ARK2C: variants seen among roughly 807,000 people sequenced by gnomAD.
The protein encoded by ARK2C is arkadia (RNF111) C-terminal like ring finger ubiquitin ligase 2C, also known as E3 ubiquitin-protein ligase ARK2C.
the ARK2C span, among the ~76,000 whole-genome samples, chr18:46,364,382 GT>G: frequency 1.4e-5 from 2 of 145,680 alleles, no homozygotes; most frequent in African/African-American, 5.2e-5. Context: ...AACAAAACAT[GT>G]TTTGGTGTGG....
chr18:46,400,186 C>A, the ARK2C span, among the ~76,000 whole-genome samples: 1 of 152,212 alleles, frequency 6.6e-6, no homozygotes, highest in Non-Finnish European at 1.5e-5. Flanking sequence ...ATTCCCGACC[C>A]TCATGCTGGT....
At chr18:46,351,171 A>G in the ARK2C span, among the ~76,000 whole-genome samples, 2 of 152,200 alleles carry the variant, frequency 1.3e-5, no homozygotes, top group African/African-American at 2.4e-5. Flanking sequence ...TCACCCTGCC[A>G]AGGAGCTTCC....
At chr18:46,370,471 C>T in the ARK2C span, among the ~76,000 whole-genome samples, 1 of 152,178 alleles carries the variant, frequency 6.6e-6, no homozygotes, top group African/African-American at 2.4e-5. Flanking sequence ...GGGGACCCTG[C>T]TCCCCAGTCA....
chr18:46,364,061 C>T, the ARK2C span, among the ~76,000 whole-genome samples: 9 of 150,004 alleles, frequency 6.0e-5, no homozygotes, highest in African/African-American at 1.7e-4. Context: ...AGTTCTCATG[C>T]GTCAGCCTCC....
chr18:46,380,543 C>T, the ARK2C span, among the ~76,000 whole-genome samples: 6 of 152,192 alleles, frequency 3.9e-5, no homozygotes, highest in Admixed American at 1.3e-4. Flanking sequence ...CTGACCCAGG[C>T]GCTTGCGTTT....
chr18:46,420,430 G>A, the ARK2C span, among the ~76,000 whole-genome samples: 2 of 152,162 alleles, frequency 1.3e-5, no homozygotes, highest in Non-Finnish European at 2.9e-5. Flanking sequence ...CATACTGTGT[G>A]TTCTGCACAC....
At chr18:46,334,381 G>A in the ARK2C span, 2 of 1,541,572 alleles carry the variant, frequency 1.3e-6, no homozygotes, top group Non-Finnish European at 1.8e-6. The surrounding 1 kb of genome is among the most constrained non-coding windows in gnomAD (Gnocchi z 4.4). Flanking sequence ...GTGGATCGCC[G>A]CAGGCACCGG....
the ARK2C span, among the ~76,000 whole-genome samples, chr18:46,425,990 G>C: frequency 8.3e-4 from 126 of 152,202 alleles, no homozygotes; most frequent in African/African-American, 3.0e-3. Context: ...CAGCAAGCCG[G>C]CTCTTTGGGG....
the ARK2C span, among the ~76,000 whole-genome samples, chr18:46,354,879 A>T: frequency 6.6e-6 from 1 of 152,188 alleles, no homozygotes; most frequent in Non-Finnish European, 1.5e-5. Context: ...GACAAACATC[A>T]GTGCCAAGTT....
chr18:46,438,200 T>A, the ARK2C span, among the ~76,000 whole-genome samples: 1 of 152,258 alleles, frequency 6.6e-6, no homozygotes, highest in Non-Finnish European at 1.5e-5. Flanking sequence ...TGTGGGATAT[T>A]CCTGTGACCC....
the ARK2C span, chr18:46,334,565 C>T: frequency 2.4e-5 from 12 of 493,250 alleles, no homozygotes; most frequent in African/African-American, 1.8e-4. This position sits in a 1 kb window ranked among gnomAD's most constrained non-coding sequence, Gnocchi z 4.4. Context: ...GTCCCTTCCT[C>T]CCCAGCCCCA....
At chr18:46,351,341 C>G in the ARK2C span, among the ~76,000 whole-genome samples, 1 of 152,178 alleles carries the variant, frequency 6.6e-6, no homozygotes, top group Non-Finnish European at 1.5e-5. Context: ...TGGGCTGGAG[C>G]AGTTCCCTCC....
the ARK2C span, among the ~76,000 whole-genome samples, chr18:46,451,094 C>T: frequency 6.6e-6 from 1 of 152,264 alleles, no homozygotes. Flanking sequence ...GTATAGGTGT[C>T]AGGCACATAA....
At chr18:46,355,156 T>A in the ARK2C span, among the ~76,000 whole-genome samples, 12 of 152,252 alleles carry the variant, frequency 7.9e-5, no homozygotes, top group African/African-American at 2.6e-4. Flanking sequence ...TTTCACCATG[T>A]TGGCCAGGTT....
At chr18:46,339,257 T>G in the ARK2C span, among the ~76,000 whole-genome samples, 1 of 152,254 alleles carries the variant, frequency 6.6e-6, no homozygotes, top group Non-Finnish European at 1.5e-5. Flanking sequence ...ATCACTCTCA[T>G]ATTTGCCCTA....
At chr18:46,351,735 G>T in the ARK2C span, among the ~76,000 whole-genome samples, 3 of 152,180 alleles carry the variant, frequency 2.0e-5, no homozygotes, top group African/African-American at 7.2e-5. Context: ...CCTGGAAACA[G>T]AGGCCTAGGT....
At chr18:46,360,821 C>T in the ARK2C span, among the ~76,000 whole-genome samples, 1 of 152,180 alleles carries the variant, frequency 6.6e-6, no homozygotes, top group Non-Finnish European at 1.5e-5. Flanking sequence ...TCACAGGGCC[C>T]ACCTAAACAC....
At chr18:46,345,158 G>A in the ARK2C span, among the ~76,000 whole-genome samples, 1 of 152,238 alleles carries the variant, frequency 6.6e-6, no homozygotes, top group African/African-American at 2.4e-5. Context: ...GAACCAGAGG[G>A]ATAGGGCAGC....
chr18:46,445,708 G>A, the ARK2C span, among the ~76,000 whole-genome samples: 1 of 152,122 alleles, frequency 6.6e-6, no homozygotes. Context: ...AAAAAACTAG[G>A]GAGGTTGCAG....
Sources: allele counts gnomAD v4.1 joint callset (sites outside exome capture counted in the v4.1 genomes callset), GRCh38; gene constraint gnomAD v4.1.1; non-coding constraint Gnocchi (gnomAD v3.1); transcripts MANE v1.5; gene names NCBI Gene and HGNC (gene_info 2026-07-23, HGNC 2026-07-21).